The following KMO variants were observed in gnomAD, a reference collection of about 807,000 sequenced individuals.
The protein encoded by KMO is kynurenine 3-hydroxylase.
Under a neutral mutation model 57.8 loss-of-function variants are expected in KMO, and 24 were observed. The observed-to-expected ratio is 0.42, with a 90% CI of 0.30 to 0.58. KMO has a LOEUF of 0.58. Among genes scored for constraint, KMO ranks in the 20% least tolerant of loss-of-function variants. The pLI is 0.22. For missense variants in KMO, 483 were observed against 588.2 expected (o/e 0.82, Z 1.85); for synonymous variants, 210 against 193.6 (o/e 1.08, Z -0.70).
chr1:241,539,579 C>A (rs777257386), intron 1 of KMO, among the ~76,000 whole-genome samples: 4 of 152,184 alleles, frequency 2.6e-5, no homozygotes, highest in Non-Finnish European at 5.9e-5. Context: ...GATATTGCCC[C>A]AGTCAATCTG....
intron 1 of KMO, among the ~76,000 whole-genome samples, chr1:241,544,649 ATC>A (rs1258024374): frequency 8.5e-5 from 13 of 152,190 alleles, no homozygotes; most frequent in South Asian, 4.1e-4. Flanking sequence ...GAAAAAATTA[ATC>A]TTTTTCATGT....
chr1:241,561,454 G>C (rs1438492130), intron 6 of KMO, among the ~76,000 whole-genome samples: 1 of 152,008 alleles, frequency 6.6e-6, no homozygotes, highest in Non-Finnish European at 1.5e-5. Context: ...ACACTCCCCA[G>C]TCTATCCTAC....
chr1:241,560,831 C>A, intron 6 of KMO, 79 bp downstream of exon 6: 2 of 939,124 alleles, frequency 2.1e-6, no homozygotes, highest in South Asian at 1.3e-5. Flanking sequence ...TGTTCTTTGG[C>A]TCTTTTGAAA....
At chr1:241,536,413 A>T (rs1234553714) in intron 1 of KMO, 27 of 608,216 alleles carry the variant, frequency 4.4e-5, no homozygotes, top group Non-Finnish European at 5.6e-5. Context: ...TCCACATCTG[A>T]ATTCAGTCCT....
chr1:241,562,856 A>G (rs1368479212), intron 7 of KMO, among the ~76,000 whole-genome samples: 1 of 110,836 alleles, frequency 9.0e-6, no homozygotes, highest in Non-Finnish European at 1.9e-5. Flanking sequence ...GGAAGGAAGG[A>G]AGGAAAGAAG....
Position 241,594,886 on chromosome 1 carries a change from T to A in KMO, c.*2733T>A, listed in dbSNP as rs190256120. ...TTATGTCTTTTATTCATTCTAATTC[T>A]TATTAACCGGAATATGTAGGACCAT... On this transcript the variant is annotated 3_prime_UTR_variant, in exon 15 of 15. Transcript: ENST00000366559. 94 of 595,940 alleles carry A rather than the reference T, an allele frequency of 1.6e-4. No homozygotes were observed. Among genetic ancestry groups the A allele is most frequent in the Non-Finnish European group, 2.5e-4 (85 of 343,898 alleles). 36.9% of individuals were successfully genotyped at this position (595,940 alleles called of 1,614,324 possible). A position where few individuals can be genotyped will look rare whatever the true frequency, so the allele number is the denominator to read the frequency against.
At chr1:241,540,168 T>C (rs1218439056) in intron 1 of KMO, among the ~76,000 whole-genome samples, 1 of 152,188 alleles carries the variant, frequency 6.6e-6, no homozygotes, top group Non-Finnish European at 1.5e-5. Context: ...GTGGTAAAAT[T>C]GTGAGGAATT....
intron 10 of KMO, among the ~76,000 whole-genome samples, chr1:241,581,811 A>G (rs543153529): frequency 3.9e-5 from 6 of 152,276 alleles, no homozygotes; most frequent in Non-Finnish European, 7.4e-5. Context: ...TACTGCAGTT[A>G]CAGTGTTAAT....
At chr1:241,545,962 G>C (rs1661131448) in intron 1 of KMO, among the ~76,000 whole-genome samples, 1 of 152,144 alleles carries the variant, frequency 6.6e-6, no homozygotes. Flanking sequence ...AGGGTGACAT[G>C]ATCAGATTTG....
rs771615780 is a variant in KMO at position 241,590,245 on chromosome 1, T to C, written c.1242T>C (p.Arg414=). 5.0e-5 allele frequency: 80 copies of C among 1,613,676 alleles called. No homozygotes were observed. In the South Asian group the frequency reaches 7.7e-4, roughly 16 times the overall value. ...SRIRYHEAVQ[R]WHWQKKVINK... ...TAAGATACCATGAGGCTGTGCAGCG[T>C]TGGCATTGGCAAAAAAAGGTTGGAA... The change falls in exon 14 of 15, where the codon CGT becomes CGC. Residue 414 remains arginine, a synonymous_variant. Transcript: ENST00000366559.
chr1:241,587,249 G>A (rs889702345), intron 11 of KMO, among the ~76,000 whole-genome samples: 1 of 152,172 alleles, frequency 6.6e-6, no homozygotes, highest in Non-Finnish European at 1.5e-5. Context: ...GTTCACAATA[G>A]GGTTCACGCT....
At chr1:241,572,363 A>G (rs1662324648) in intron 10 of KMO, among the ~76,000 whole-genome samples, 1 of 152,094 alleles carries the variant, frequency 6.6e-6, no homozygotes, top group East Asian at 1.9e-4. Context: ...CAAATGTATT[A>G]GCATGTAGTT....
At chr1:241,545,914 T>C (rs1317586552) in intron 1 of KMO, among the ~76,000 whole-genome samples, 1 of 152,048 alleles carries the variant, frequency 6.6e-6, no homozygotes, top group Non-Finnish European at 1.5e-5. Flanking sequence ...GCATGGCAAA[T>C]ACAATGGCTA....
At chr1:241,575,698 T>C (rs1445187679) in intron 10 of KMO, among the ~76,000 whole-genome samples, 1 of 152,116 alleles carries the variant, frequency 6.6e-6, no homozygotes, top group Non-Finnish European at 1.5e-5. Context: ...CCATATGGTT[T>C]ATCTTGAAGA....
chr1:241,547,757 C>A (rs1332797851), intron 1 of KMO, among the ~76,000 whole-genome samples: 1 of 152,166 alleles, frequency 6.6e-6, no homozygotes, highest in Non-Finnish European at 1.5e-5. Flanking sequence ...TTACAACCAA[C>A]TCTTGAAACA....
chr1:241,549,813 T>A, intron 3 of KMO, 39 bp downstream of exon 3: 2 of 1,227,890 alleles, frequency 1.6e-6, no homozygotes, highest in Non-Finnish European at 2.4e-6. Context: ...TAATACCTGG[T>A]ATTTTTCAAC....
In KMO at chr1:241,541,254, C is replaced by T. The variant is rs113530904; in HGVS notation, c.55-7575C>T. Among the ~76,000 whole-genome samples the T allele has an allele frequency of 2.2e-3, 339 of 152,160 alleles. 1 individual carries two copies. The highest frequency in any genetic ancestry group is 4.1e-3 in the Non-Finnish European group (281 of 68,016). On this transcript the variant is annotated intron_variant, in intron 1 of 14. Coordinates refer to ENST00000366559, the MANE Select transcript of KMO (RefSeq NM_003679.5). ...GACTGAAGAGGAACAATCAATAGGA[C>T]GTATTGCCTAGCTTCATGTATACTG...
intron 1 of KMO, among the ~76,000 whole-genome samples, chr1:241,543,836 A>C (rs768414827): frequency 1.8e-4 from 27 of 152,218 alleles, no homozygotes; most frequent in Non-Finnish European, 3.5e-4. Flanking sequence ...ATACATGTTC[A>C]GTTGGCAAAC....
chr1:241,570,292 T>C (rs1381762394), intron 10 of KMO, among the ~76,000 whole-genome samples: 1 of 152,050 alleles, frequency 6.6e-6, no homozygotes, highest in Non-Finnish European at 1.5e-5. Flanking sequence ...CAAAGGTCTA[T>C]GTGTCTGTTT....
Sources: gnomAD v4.1 joint callset for allele counts (sites outside exome capture counted in the v4.1 genomes callset) on GRCh38, gnomAD v4.1.1 for gene constraint, MANE v1.5 for transcripts, NCBI Gene and HGNC (gene_info 2026-07-23, HGNC 2026-07-21) for gene names.